Variants in SGK1 observed in about 807,000 individuals in gnomAD.
The protein encoded by SGK1 is serine/threonine-protein kinase Sgk1.
Under a neutral mutation model 64.2 loss-of-function variants are expected in SGK1, and 26 were observed. The ratio of observed to expected loss-of-function variants is 0.40; its 90% CI spans 0.30 to 0.56. SGK1 has a LOEUF of 0.56. SGK1 is among the 20% of genes least tolerant of loss of function. The pLI, the probability that SGK1 is intolerant of heterozygous loss-of-function variation, is 0.38. For missense variants in SGK1, 519 were observed against 645.6 expected, an observed-to-expected ratio of 0.80 and a Z score of 2.12; for synonymous variants, 265 against 239.7, an observed-to-expected ratio of 1.11 and a Z score of -0.98.
In SGK1 at chr6:134,258,979, C is replaced by G. The variant is rs374969638; in HGVS notation, c.285+2954G>C. ...CTCTAGCCTGGGCAGTAGAGCAAAA[C>G]CTTGTCTCAAAAAAAAAGTAATAAA... is the stretch of plus-strand genomic sequence containing the variant. On this transcript the variant is annotated intron_variant, in intron 2 of 13. Coordinates refer to ENST00000367858, the MANE Select transcript of SGK1 (RefSeq NM_001143676.3). Among the ~76,000 whole-genome samples, 5 of 151,996 alleles carry G rather than the reference C, an allele frequency of 3.3e-5. No individual in the cohort carries two copies. In the South Asian group the frequency reaches 1.0e-3, roughly 32 times the overall value.
chr6:134,220,975 C>T (rs796558258), intron 2 of SGK1, among the ~76,000 whole-genome samples: 5 of 146,604 alleles, frequency 3.4e-5, no homozygotes, highest in African/African-American at 1.3e-4. Flanking sequence ...GAGTGAGACT[C>T]CGGCTCAAAA....
chr6:134,244,964 C>CG (rs1179483191), intron 2 of SGK1, among the ~76,000 whole-genome samples: 1 of 152,142 alleles, frequency 6.6e-6, no homozygotes, highest in Non-Finnish European at 1.5e-5. Context: ...TTAGTAGAGA[C>CG]GGGGTTTCGC....
intron 2 of SGK1, among the ~76,000 whole-genome samples, chr6:134,219,339 G>A (rs1372408901): frequency 2.0e-5 from 3 of 152,010 alleles, no homozygotes; most frequent in Admixed American, 1.3e-4. Context: ...AGTTGACACA[G>A]AGCCATGTCC....
At chr6:134,249,332 C>T (rs1283020388) in intron 2 of SGK1, 1 of 152,118 alleles carries the variant, frequency 6.6e-6, no homozygotes, top group Non-Finnish European at 1.5e-5. Flanking sequence ...CCTTAATAAC[C>T]CGAATTCTGT....
At chr6:134,204,700 C>T (rs780416564) in intron 3 of SGK1, among the ~76,000 whole-genome samples, 3 of 151,852 alleles carry the variant, frequency 2.0e-5, no homozygotes, top group Non-Finnish European at 4.4e-5. Flanking sequence ...ATTACAGGCA[C>T]GTGCCACACC....
intron 2 of SGK1, among the ~76,000 whole-genome samples, chr6:134,218,437 C>CTTTTTTTTTTT (rs71003680): frequency 7.7e-6 from 1 of 129,182 alleles, no homozygotes; most frequent in African/African-American, 2.9e-5. Flanking sequence ...TTCTTTTTTT[C>CTTTTTTTTTTT]TTTTTTTTTT....
intron 1 of SGK1, among the ~76,000 whole-genome samples, chr6:134,265,757 A>C (rs1329605198): frequency 6.7e-6 from 1 of 149,902 alleles, no homozygotes; most frequent in African/African-American, 2.4e-5. Context: ...TTCGTACTTT[A>C]ACTTTTAAAA....
At position 134,317,728 on chromosome 6, in the gene SGK1, C is replaced by T. The variant is rs2114809031; in HGVS notation, c.-268G>A. On this transcript the variant is annotated 5_prime_UTR_variant, in exon 1 of 14. Transcript: ENST00000367858. Reference sequence around the variant, plus strand: ...CATCACCGCTGCAGGACCCTGGGGGCCGGACGGTGGGATACGGCCAATCTC... The same window carrying T: ...CATCACCGCTGCAGGACCCTGGGGGTCGGACGGTGGGATACGGCCAATCTC... The T allele has an allele frequency of 5.0e-6, 2 of 398,700 alleles. No homozygotes were observed. The highest frequency in any genetic ancestry group is 8.4e-5 in the East Asian group (2 of 23,892). 24.7% of individuals were successfully genotyped at this position (398,700 alleles called of 1,614,324 possible).
chr6:134,232,417 A>AAGAAAGAGAGAGAGAGAG (rs1562259716), intron 2 of SGK1, among the ~76,000 whole-genome samples: 249 of 21,550 alleles, frequency 0.012, 26 homozygotes, highest in African/African-American at 0.021. Flanking sequence ...AAGAAAGAGA[A>AAGAAAGAGAGAGAGAGAG]AGAAAGAAAG....
At chr6:134,173,867 T>C (rs1304150247) in intron 5 of SGK1, 138 bp downstream of exon 5, 2 of 666,848 alleles carry the variant, frequency 3.0e-6, no homozygotes, top group East Asian at 5.3e-5. Context: ...TAAATATTTA[T>C]ATCACTTGTT....
rs769476003 is a variant in SGK1, at chr6:134,170,217, A to T, written c.*51T>A. 32 of 1,513,618 alleles carry T rather than the reference A, an allele frequency of 2.1e-5. No individual in the cohort carries two copies. The highest frequency in any genetic ancestry group is 2.8e-5 in the Non-Finnish European group (31 of 1,112,226). 93.8% of individuals were successfully genotyped at this position (1,513,618 alleles called of 1,614,324 possible). On this transcript the variant is annotated 3_prime_UTR_variant, in exon 14 of 14. Transcript: ENST00000367858. The stretch of plus-strand genomic sequence containing the variant: ...GGCGGCTCCACCAAAAGGCTAACTA[A>T]AACATTCGGAAACACACATAAAATC...
intron 1 of SGK1, among the ~76,000 whole-genome samples, chr6:134,272,009 GTTTTGTAT>G (rs1358411203): frequency 6.8e-6 from 1 of 146,444 alleles, no homozygotes; most frequent in Non-Finnish European, 1.5e-5. Context: ...ACCCAGCTGA[GTTTTGTAT>G]TTTTAGTAGA....
chr6:134,241,076 G>A (rs1332472173), intron 2 of SGK1, among the ~76,000 whole-genome samples: 38 of 145,912 alleles, frequency 2.6e-4, no homozygotes, highest in Middle Eastern at 6.8e-3. Flanking sequence ...TTGAGACAGG[G>A]TCCAGTTCTG....
At chr6:134,261,609 C>T (rs1347368145) in intron 2 of SGK1, 1 of 570,626 alleles carries the variant, frequency 1.8e-6, no homozygotes, top group East Asian at 2.8e-5. Flanking sequence ...ATGTATAACA[C>T]CAAGAGTGAA....
intron 3 of SGK1, among the ~76,000 whole-genome samples, chr6:134,193,842 GGGGAGGGGAGGGGAA>G (rs1775556206): frequency 9.5e-6 from 1 of 105,686 alleles, no homozygotes; most frequent in Non-Finnish European, 1.9e-5. Flanking sequence ...GGGAAGGGGA[GGGGAGGGGAGGGGAA>G]AAATTAATAA....
chr6:134,206,360 TA>T (rs1562250273), intron 3 of SGK1, among the ~76,000 whole-genome samples: 5 of 7,354 alleles, frequency 6.8e-4, no homozygotes, highest in East Asian at 3.0e-3. Context: ...TATATATATA[TA>T]TATATATATA....
chr6:134,271,122 G>A (rs1209847585), intron 1 of SGK1, among the ~76,000 whole-genome samples: 3 of 130,984 alleles, frequency 2.3e-5, no homozygotes, highest in African/African-American at 7.6e-5. Context: ...TTTGAGACCA[G>A]TCTGGCCAAC....
intron 1 of SGK1, among the ~76,000 whole-genome samples, chr6:134,274,587 G>A (rs1057156593): frequency 2.0e-5 from 3 of 148,702 alleles, no homozygotes; most frequent in Non-Finnish European, 4.5e-5. Flanking sequence ...GATGTTCAAA[G>A]AAAATACTCA....
At chr6:134,298,471 G>T in intron 1 of SGK1, 1 of 827,272 alleles carries the variant, frequency 1.2e-6, no homozygotes, top group Non-Finnish European at 2.1e-6. Flanking sequence ...TCCAGATTAA[G>T]TGGGCTCAGC....
Sources: allele counts gnomAD v4.1 joint callset (sites outside exome capture counted in the v4.1 genomes callset), GRCh38; gene constraint gnomAD v4.1.1; transcripts MANE v1.5; gene names NCBI Gene and HGNC (gene_info 2026-07-23, HGNC 2026-07-21).